The following SUCLG1 variants were observed in gnomAD, a reference collection of about 807,000 sequenced individuals.
SUCLG1 encodes the protein succinate-CoA ligase GDP/ADP-forming subunit alpha.
SUCLG1 carries 26 observed loss-of-function variants against 37.3 expected under a neutral mutation model. The ratio of observed to expected loss-of-function variants is 0.70; its 90% CI spans 0.51 to 0.97. The LOEUF (loss-of-function observed/expected upper bound fraction) is 0.97. Among genes scored for constraint, SUCLG1 ranks in the 50% least tolerant of loss-of-function variants. The pLI is 0.00. For synonymous variants in SUCLG1, 163 were observed against 155.6 expected (o/e 1.05, Z -0.36); for missense variants, 433 against 432.9 (o/e 1.00, Z 0.00).
chr2:84,449,786 A>G (rs79869006), intron 1 of SUCLG1, 34 bp from the exon 2 acceptor site: 5 of 1,090,504 alleles, frequency 4.6e-6, no homozygotes, highest in South Asian at 1.6e-5. Flanking sequence ...AAAAAAAAAA[A>G]AGACACATTA....
Position 84,423,654 on chromosome 2 carries a change from G to T in SUCLG1, c.*92C>A. The T allele has an allele frequency of 7.8e-7, 1 of 1,286,136 alleles. No individual in the cohort carries two copies. Among genetic ancestry groups the T allele is most frequent in the Non-Finnish European group, 1.1e-6 (1 of 900,260 alleles). The allele number at this position is 1,286,136 out of a possible 1,614,324, so 79.7% of individuals were successfully genotyped here. On this transcript the variant is annotated 3_prime_UTR_variant, in exon 9 of 9. Transcript: ENST00000393868. ...CTGCAAGACCAGTGTCAGGCACATA[G>T]GCTGATTAATCAGTGGACAACAGAA...
At chr2:84,435,217 C>A (rs1415428758) in intron 5 of SUCLG1, among the ~76,000 whole-genome samples, 1 of 152,164 alleles carries the variant, frequency 6.6e-6, no homozygotes, top group African/African-American at 2.4e-5. Flanking sequence ...CACCATCTGA[C>A]AAAACTTCTA....
At chr2:84,459,087 G>T in intron 1 of SUCLG1, 86 bp downstream of exon 1, 1 of 1,392,212 alleles carries the variant, frequency 7.2e-7, no homozygotes, top group East Asian at 2.6e-5. Context: ...AGCCCTGAGG[G>T]CCCAGCCGCG....
At chr2:84,449,185 G>C (rs1246982178) in intron 2 of SUCLG1, among the ~76,000 whole-genome samples, 2 of 152,146 alleles carry the variant, frequency 1.3e-5, no homozygotes, top group African/African-American at 4.8e-5. Flanking sequence ...TCAGTGGGCG[G>C]GTTCTTCCCT....
chr2:84,449,762 TAAAAAAAAAA>T lies in SUCLG1; in HGVS notation c.98-20_98-11del, dbSNP rs56733272. The T allele has an allele frequency of 1.5e-4, 116 of 791,908 alleles. No individual in the cohort carries two copies. Among genetic ancestry groups the T allele is most frequent in the Non-Finnish European group, 1.9e-4 (103 of 543,740 alleles). 49.1% of individuals were successfully genotyped at this position (791,908 alleles called of 1,614,324 possible). ...ATTCCATTCTGCGGCACTAAGAGGT[TAAAAAAAAAA>T]AAAAAAAAAAAAAAAGACACATTAT... is the stretch of plus-strand genomic sequence containing the variant. On this transcript the variant is annotated splice_polypyrimidine_tract_variant and intron_variant, in intron 1 of 8. Transcript: ENST00000393868.
intron 2 of SUCLG1, among the ~76,000 whole-genome samples, chr2:84,446,667 A>C (rs1672857394): frequency 6.6e-6 from 1 of 152,150 alleles, no homozygotes; most frequent in African/African-American, 2.4e-5. Flanking sequence ...CTCTGCAATG[A>C]GATAAGAGGA....
At chr2:84,429,216 G>A (rs1672580289) in intron 7 of SUCLG1, among the ~76,000 whole-genome samples, 2 of 152,020 alleles carry the variant, frequency 1.3e-5, no homozygotes, top group African/African-American at 2.4e-5. Context: ...CAACTAACCA[G>A]GAATAGGAAA....
At chr2:84,438,580 T>A (rs1196142495) in intron 5 of SUCLG1, among the ~76,000 whole-genome samples, 1 of 152,198 alleles carries the variant, frequency 6.6e-6, no homozygotes, top group African/African-American at 2.4e-5. Context: ...CCTAAGGATC[T>A]GAAGTCAAGG....
intron 2 of SUCLG1, among the ~76,000 whole-genome samples, chr2:84,447,302 A>AG (rs1672864828): frequency 3.5e-5 from 1 of 28,908 alleles, no homozygotes; most frequent in Non-Finnish European, 1.3e-4. Flanking sequence ...ACTTACTTTA[A>AG]AAACAACAAA....
chr2:84,431,480 A>G, intron 7 of SUCLG1, 28 bp downstream of exon 7: 1 of 1,613,666 alleles, frequency 6.2e-7, no homozygotes, highest in Non-Finnish European at 8.5e-7. Context: ...AAGAGCAAAG[A>G]GCTATGTTTT....
intron 2 of SUCLG1, among the ~76,000 whole-genome samples, chr2:84,445,193 G>A (rs1205201213): frequency 3.3e-5 from 5 of 152,158 alleles, no homozygotes; most frequent in East Asian, 1.9e-4. Flanking sequence ...AAAGACAGGC[G>A]TAAGAAATTA....
intron 5 of SUCLG1, among the ~76,000 whole-genome samples, chr2:84,436,961 G>C (rs1672695451): frequency 1.3e-5 from 2 of 152,174 alleles, no homozygotes; most frequent in South Asian, 4.1e-4. Context: ...ACCCTCTTAA[G>C]TGAAATTTAA....
intron 2 of SUCLG1, among the ~76,000 whole-genome samples, chr2:84,447,105 G>A (rs73942662): frequency 0.011 from 1,694 of 152,302 alleles, 29 homozygotes; most frequent in African/African-American, 0.039. Context: ...CTGGAAAACT[G>A]CATTGCTGAA....
At chr2:84,440,987 GT>G in intron 5 of SUCLG1, 59 bp downstream of exon 5, 1 of 1,548,080 alleles carries the variant, frequency 6.5e-7, no homozygotes, top group Non-Finnish European at 8.9e-7. Context: ...TTCTTTGTGA[GT>G]TTTGAGGGTT....
At chr2:84,447,937 G>A (rs939340090) in intron 2 of SUCLG1, among the ~76,000 whole-genome samples, 4 of 152,062 alleles carry the variant, frequency 2.6e-5, no homozygotes, top group African/African-American at 9.6e-5. Flanking sequence ...CCACCATGTT[G>A]CCCAGGCTGG....
chr2:84,431,106 A>G (rs563677366), intron 7 of SUCLG1, among the ~76,000 whole-genome samples: 4 of 152,324 alleles, frequency 2.6e-5, no homozygotes, highest in African/African-American at 9.6e-5. Context: ...AAAAAAGCAC[A>G]AGGGATAGGA....
At chr2:84,424,316 C>T (rs1163957199) in intron 8 of SUCLG1, among the ~76,000 whole-genome samples, 1 of 152,148 alleles carries the variant, frequency 6.6e-6, no homozygotes, top group Non-Finnish European at 1.5e-5. Flanking sequence ...TAGATTGTAA[C>T]AATTAGGATA....
chr2:84,433,342 AGTCCCTC>A lies in SUCLG1; in HGVS notation c.673+3_673+9del. 1 of 1,613,304 alleles carries A rather than the reference AGTCCCTC, an allele frequency of 6.2e-7. No homozygotes were observed. Among genetic ancestry groups the A allele is most frequent in the Non-Finnish European group, 8.5e-7 (1 of 1,179,324 alleles). On this transcript the variant is annotated splice_donor_5th_base_variant and intron_variant, in intron 6 of 8. Coordinates refer to ENST00000393868, the MANE Select transcript of SUCLG1 (RefSeq NM_003849.4). Reference sequence around the variant, plus strand: ...ACTCCAATAAAATGATTTTAGCAAAAGTCCCTCACCAACGCACAAAGACTGCCCCAAT... The same window carrying A: ...ACTCCAATAAAATGATTTTAGCAAAAACCAACGCACAAAGACTGCCCCAAT...
chr2:84,446,528 G>A (rs574051563), intron 2 of SUCLG1, among the ~76,000 whole-genome samples: 1 of 152,242 alleles, frequency 6.6e-6, no homozygotes, highest in African/African-American at 2.4e-5. Flanking sequence ...TTCAAAATAG[G>A]AAACTTGGCC....
Sources: gnomAD v4.1 joint callset for allele counts (sites outside exome capture counted in the v4.1 genomes callset) on GRCh38, gnomAD v4.1.1 for gene constraint, MANE v1.5 for transcripts, NCBI Gene and HGNC (gene_info 2026-07-23, HGNC 2026-07-21) for gene names.